SLC35F4: variants seen among roughly 807,000 people sequenced by gnomAD.
SLC35F4 encodes the protein solute carrier family 35 member F4.
SLC35F4 carries 24 observed loss-of-function variants against 44.2 expected under a neutral mutation model. That is an observed-to-expected ratio of 0.54 (90% CI 0.39 to 0.76). The LOEUF (loss-of-function observed/expected upper bound fraction) is 0.76, where lower values mean the gene tolerates loss of function less well. Among genes scored for constraint, SLC35F4 ranks in the 30% least tolerant of loss-of-function variants. The probability of loss-of-function intolerance (pLI) is 0.00; values close to 1 mark genes in which losing one functional copy is unlikely to be tolerated. For missense variants in SLC35F4, 562 were observed against 586.1 expected (o/e 0.96, Z 0.42); for synonymous variants, 238 against 223.6 (o/e 1.06, Z -0.57).
At chr14:57,822,502 G>A (rs1046351194) in intron 1 of SLC35F4, among the ~76,000 whole-genome samples, 2 of 152,046 alleles carry the variant, frequency 1.3e-5, no homozygotes, top group African/African-American at 4.8e-5. Context: ...AAAAATTCTG[G>A]TTGTTAGCCA....
chr14:57,786,201 T>C (rs1407331286), intron 1 of SLC35F4, among the ~76,000 whole-genome samples: 1 of 152,056 alleles, frequency 6.6e-6, no homozygotes, highest in Non-Finnish European at 1.5e-5. Context: ...ATAATTCTCC[T>C]AGGTACACAA....
At chr14:57,928,977 C>T (rs932020910) in intron 1 of SLC35F4, among the ~76,000 whole-genome samples, 6 of 152,028 alleles carry the variant, frequency 3.9e-5, no homozygotes, top group African/African-American at 1.4e-4. Flanking sequence ...GAAGATAGAA[C>T]AACAGAAATG....
chr14:57,933,398 T>C (rs1191937121), intron 1 of SLC35F4, among the ~76,000 whole-genome samples: 5 of 152,146 alleles, frequency 3.3e-5, no homozygotes, highest in African/African-American at 9.7e-5. Context: ...TAGCTCGTGA[T>C]TTACAACACA....
At chr14:57,613,312 G>T (rs1439974377) in intron 1 of SLC35F4, among the ~76,000 whole-genome samples, 1 of 152,144 alleles carries the variant, frequency 6.6e-6, no homozygotes, top group African/African-American at 2.4e-5. Flanking sequence ...CTCCATCAGG[G>T]GTTTAGATCA....
Position 57,566,558 on chromosome 14 carries a change from T to C in SLC35F4, c.1133A>G (p.Asn378Ser). 1 of 1,596,780 alleles carries C rather than the reference T, an allele frequency of 6.3e-7. No homozygotes were observed. Among genetic ancestry groups the C allele is most frequent in the Non-Finnish European group, 8.5e-7 (1 of 1,171,424 alleles). ...CACCACCCCAACATTCACCAGGATG[T>C]TGAAGGCTGTAAAATAGAGGAGGAA... ...CGMAGLWLAF[N>S]ILVNVGVVLT... Residue 378 changes from asparagine (N) to serine (S), a missense_variant, in exon 7 of 8, where the codon AAC becomes AGC. Physicochemically the swap from Asn to Ser is conservative, Grantham distance 46. Coordinates refer to ENST00000556826, the MANE Select transcript of SLC35F4 (RefSeq NM_001306087.2).
chr14:57,709,118 G>C lies in SLC35F4; in HGVS notation c.104-114994C>G, dbSNP rs8011764. Among the ~76,000 whole-genome samples the C allele has an allele frequency of 5.3e-4, 80 of 152,220 alleles. 1 individual carries two copies. Among genetic ancestry groups the C allele is most frequent in the African/African-American group, 1.8e-3 (75 of 41,520 alleles). ...TAACTGCGGGCAGGCCCAACTGATG[G>C]CAGGCCCTCCACAAGAGGTGGAGGA... On this transcript the variant is annotated intron_variant, in intron 1 of 7. Coordinates refer to ENST00000556826, the MANE Select transcript of SLC35F4 (RefSeq NM_001306087.2).
At chr14:57,907,100 G>A (rs1889115574) in intron 1 of SLC35F4, among the ~76,000 whole-genome samples, 1 of 152,108 alleles carries the variant, frequency 6.6e-6, no homozygotes, top group Non-Finnish European at 1.5e-5. Context: ...TTTGATTTTA[G>A]ATATGGGAAT....
intron 2 of SLC35F4, among the ~76,000 whole-genome samples, chr14:57,589,960 G>T (rs2070052704): frequency 6.6e-6 from 1 of 152,098 alleles, no homozygotes; most frequent in African/African-American, 2.4e-5. Context: ...TTTCAAAGTA[G>T]AACGCCAAAT....
chr14:57,566,856 T>C (rs999072010), intron 6 of SLC35F4, among the ~76,000 whole-genome samples: 29 of 152,258 alleles, frequency 1.9e-4, no homozygotes, highest in Non-Finnish European at 5.9e-5. Context: ...ATTAGCACTA[T>C]AAAGGTAGAT....
At chr14:57,596,793 C>G (rs780597658) in intron 1 of SLC35F4, 1 of 1,367,514 alleles carries the variant, frequency 7.3e-7, no homozygotes, top group Admixed American at 1.9e-5. Flanking sequence ...GTCCTGGCTT[C>G]CATACCTCCT....
At chr14:57,619,436 C>G (rs1042305172) in intron 1 of SLC35F4, among the ~76,000 whole-genome samples, 1 of 152,156 alleles carries the variant, frequency 6.6e-6, no homozygotes, top group African/African-American at 2.4e-5. Flanking sequence ...TCCAGTAGAC[C>G]TGCAGCAGAG....
chr14:57,921,010 ATGTTAATG>A (rs1280077369), intron 1 of SLC35F4, among the ~76,000 whole-genome samples: 1 of 152,232 alleles, frequency 6.6e-6, no homozygotes, highest in African/African-American at 2.4e-5. Flanking sequence ...AGATGATTTC[ATGTTAATG>A]TGTTCTCCTA....
At chr14:57,940,236 A>G (rs1446268711) in intron 1 of SLC35F4, among the ~76,000 whole-genome samples, 1 of 152,192 alleles carries the variant, frequency 6.6e-6, no homozygotes, top group East Asian at 1.9e-4. Context: ...TTTAAATTCT[A>G]TTTTTGGAAA....
At chr14:57,747,407 G>T (rs2076784532) in intron 1 of SLC35F4, among the ~76,000 whole-genome samples, 1 of 152,114 alleles carries the variant, frequency 6.6e-6, no homozygotes, top group African/African-American at 2.4e-5. Flanking sequence ...ATTACTAAGG[G>T]TGTTTCTAAT....
At chr14:57,578,325 G>GTTTGTTTTTTT (rs2068957220) in intron 4 of SLC35F4, among the ~76,000 whole-genome samples, 2 of 43,116 alleles carry the variant, frequency 4.6e-5, no homozygotes, top group African/African-American at 1.6e-4. Flanking sequence ...CCCTTTAACT[G>GTTTGTTTTTTT]TTTTTTTTTT....
Position 57,716,993 on chromosome 14 carries a change from T to C in SLC35F4, c.104-122869A>G, listed in dbSNP as rs2075962807. On this transcript the variant is annotated intron_variant, in intron 1 of 7. Transcript: ENST00000556826. ...GATATTTGTCTTTCTATGCTTGTCT[T>C]ATTTCACTCAACACAGTGTCCTACA... Among the ~76,000 whole-genome samples, 6 of 152,184 alleles carry C rather than the reference T, an allele frequency of 3.9e-5. No homozygotes were observed. The South Asian group carries it at 1.2e-3, about 32-fold the overall frequency.
intron 1 of SLC35F4, among the ~76,000 whole-genome samples, chr14:57,802,985 CAAAAA>C (rs59647111): frequency 0.34 from 24,325 of 71,124 alleles, 2,489 homozygotes; most frequent in Admixed American, 0.46. Context: ...GCAGAGATAC[CAAAAA>C]AAAAAAAAAA....
At chr14:57,622,494 A>C (rs574059592) in intron 1 of SLC35F4, among the ~76,000 whole-genome samples, 4 of 149,250 alleles carry the variant, frequency 2.7e-5, no homozygotes, top group South Asian at 4.3e-4. Context: ...CAGCCATAAA[A>C]AATTATGAGT....
chr14:57,905,946 G>A (rs1889096669), intron 1 of SLC35F4, among the ~76,000 whole-genome samples: 1 of 152,042 alleles, frequency 6.6e-6, no homozygotes, highest in African/African-American at 2.4e-5. Context: ...CCAAAAGACA[G>A]AGCCCTGACA....
Sources: allele counts gnomAD v4.1 joint callset (sites outside exome capture counted in the v4.1 genomes callset), GRCh38; gene constraint gnomAD v4.1.1; transcripts MANE v1.5; gene names NCBI Gene and HGNC (gene_info 2026-07-23, HGNC 2026-07-21).